TRPM7: variants seen among roughly 807,000 people sequenced by gnomAD.
TRPM7 encodes the protein LTRPC ion channel family member 7.
Under a neutral mutation model 229.7 loss-of-function variants are expected in TRPM7, and 134 were observed. That is an observed-to-expected ratio of 0.58 (90% CI 0.51 to 0.67). The LOEUF (loss-of-function observed/expected upper bound fraction) is 0.67. Ranked by LOEUF, TRPM7 falls within the 30% of genes least tolerant of loss-of-function variation. The pLI, the probability that TRPM7 is intolerant of heterozygous loss-of-function variation, is 0.00. For missense variants in TRPM7, 1,901 were observed against 2,210.0 expected (o/e 0.86, Z 2.80); for synonymous variants, 699 against 715.2 (o/e 0.98, Z 0.36).
chr15:50,652,037 A>C (rs2061434077), intron 3 of TRPM7, among the ~76,000 whole-genome samples: 1 of 151,998 alleles, frequency 6.6e-6, no homozygotes, highest in African/African-American at 2.4e-5. Context: ...AGATATGATA[A>C]AGAAAACAGA....
chr15:50,607,375 A>T (rs750308662), intron 19 of TRPM7, 47 bp from the exon 20 acceptor site: 83 of 1,432,742 alleles, frequency 5.8e-5, no homozygotes, highest in Admixed American at 3.4e-4. Flanking sequence ...TTACAAAATA[A>T]ATCTTTTAAT....
At chr15:50,609,779 T>C (rs780506498) in intron 18 of TRPM7, 27 bp downstream of exon 18, 2 of 1,600,190 alleles carry the variant, frequency 1.2e-6, no homozygotes, top group Non-Finnish European at 1.7e-6. Context: ...CAAACTTATA[T>C]TTACTTTAAA....
Position 50,614,105 on chromosome 15 carries a change from C to T in TRPM7, c.1635+18G>A, listed in dbSNP as rs756234966. The stretch of plus-strand genomic sequence containing the variant: ...ATATTAAAGCATATATATAGATTTC[C>T]CCACAAATTTTACATACCCGATTAT... On this transcript the variant is annotated intron_variant, in intron 14 of 38. Transcript: ENST00000646667. 1 of 1,579,420 alleles carries T rather than the reference C, an allele frequency of 6.3e-7. No homozygotes were observed. The highest frequency in any genetic ancestry group is 8.6e-7 in the Non-Finnish European group (1 of 1,165,188).
intron 12 of TRPM7, among the ~76,000 whole-genome samples, chr15:50,623,079 G>A (rs950856095): frequency 2.0e-5 from 3 of 152,106 alleles, no homozygotes; most frequent in Admixed American, 1.3e-4. Flanking sequence ...AAGCAAAACA[G>A]ACCAGCACTG....
In TRPM7 at chr15:50,561,664, C is replaced by G; in HGVS notation, c.*14G>C. 6.2e-7 allele frequency: 1 copy of G among 1,600,878 alleles called. No homozygotes were observed. Among genetic ancestry groups the G allele is most frequent in the Non-Finnish European group, 8.5e-7 (1 of 1,176,966 alleles). On this transcript the variant is annotated 3_prime_UTR_variant, in exon 39 of 39. Transcript: ENST00000646667. ...TGAGGTGCAGGCAAAACCAATGATT[C>G]AGTAATATTAATATTATAACATCAG...
intron 1 of TRPM7, among the ~76,000 whole-genome samples, chr15:50,683,993 G>A (rs2062300973): frequency 6.6e-6 from 1 of 151,474 alleles, no homozygotes; most frequent in Non-Finnish European, 1.5e-5. Flanking sequence ...ACGAGTAGCT[G>A]GGATTACAGG....
intron 1 of TRPM7, among the ~76,000 whole-genome samples, chr15:50,677,624 G>A (rs781148309): frequency 2.0e-5 from 3 of 150,814 alleles, no homozygotes; most frequent in South Asian, 2.1e-4. Flanking sequence ...CTGTAATCCC[G>A]GCTACTCAGG....
At chr15:50,630,444 A>T (rs766410823) in intron 10 of TRPM7, among the ~76,000 whole-genome samples, 3 of 152,102 alleles carry the variant, frequency 2.0e-5, no homozygotes, top group Non-Finnish European at 4.4e-5. Context: ...CATAGTTTCT[A>T]ATTTCTGAGA....
intron 1 of TRPM7, among the ~76,000 whole-genome samples, chr15:50,663,503 G>C (rs1056254851): frequency 6.6e-6 from 1 of 151,984 alleles, no homozygotes; most frequent in African/African-American, 2.4e-5. Context: ...ACCCCAAAAC[G>C]TCAGAATAAT....
intron 38 of TRPM7, among the ~76,000 whole-genome samples, chr15:50,566,626 G>C (rs1225060750): frequency 6.6e-6 from 1 of 152,132 alleles, no homozygotes; most frequent in African/African-American, 2.4e-5. Context: ...AACCTGGGAG[G>C]TGGAGGGTGC....
Position 50,592,503 on chromosome 15 carries a change from A to G in TRPM7, c.3732T>C (p.Asp1244=), listed in dbSNP as rs2059531669. The change falls in exon 26 of 39, where the codon GAT becomes GAC. Residue 1244 remains aspartate (D), a synonymous_variant. Coordinates refer to ENST00000646667, the MANE Select transcript of TRPM7 (RefSeq NM_017672.6). ...TCTGGGCAGTGAGTGTTTTTAATGT[A>G]TCTACCGTCAGGGCTGAAAGATCTT... The part of the protein sequence containing the change: ...HLQDLSALTV[D]TLKTLTAQKA... The G allele has an allele frequency of 1.2e-6, 2 of 1,613,990 alleles. No individual in the cohort carries two copies. Among genetic ancestry groups the G allele is most frequent in the East Asian group, 2.2e-5 (1 of 44,886 alleles).
rs971048232 is a variant in TRPM7 at position 50,643,245 on chromosome 15, T to C, written c.535+95A>G. 22 of 996,786 alleles carry C rather than the reference T, an allele frequency of 2.2e-5. No homozygotes were observed. In the East Asian group the frequency reaches 5.1e-4, roughly 23 times the overall value. The allele number at this position is 996,786 out of a possible 1,614,324, so 61.7% of individuals were successfully genotyped here. A position where few individuals can be genotyped will look rare whatever the true frequency, so the allele number is the denominator to read the frequency against. ...CAGAGGTTGCAGTGAGCCGAGATTG[T>C]GCCATTGCACTCCAGCCTGGCAACA... On this transcript the variant is annotated intron_variant, in intron 5 of 38. Transcript: ENST00000646667.
intron 1 of TRPM7, among the ~76,000 whole-genome samples, chr15:50,681,837 C>T (rs1050965032): frequency 1.3e-5 from 2 of 152,084 alleles, no homozygotes; most frequent in Non-Finnish European, 2.9e-5. Flanking sequence ...CTCCTTAGGT[C>T]AAGTAGGGAA....
intron 38 of TRPM7, 88 bp downstream of exon 38, chr15:50,569,799 A>T: frequency 1.4e-6 from 1 of 728,296 alleles, no homozygotes; most frequent in Non-Finnish European, 2.2e-6. Flanking sequence ...CCATTACATT[A>T]AACATTTGTA....
chr15:50,678,451 C>T (rs1468798073), intron 1 of TRPM7, among the ~76,000 whole-genome samples: 5 of 148,480 alleles, frequency 3.4e-5, no homozygotes, highest in African/African-American at 1.2e-4. Context: ...TATCAGAGTT[C>T]AATACATTTG....
intron 34 of TRPM7, 61 bp from the exon 35 acceptor site, chr15:50,574,780 T>G (rs1408548906): frequency 6.3e-7 from 1 of 1,585,620 alleles, no homozygotes; most frequent in Non-Finnish European, 8.6e-7. Context: ...TATATTTGGC[T>G]TATTGATATT....
intron 1 of TRPM7, among the ~76,000 whole-genome samples, chr15:50,668,586 C>A (rs2061931122): frequency 6.6e-6 from 1 of 152,206 alleles, no homozygotes; most frequent in African/African-American, 2.4e-5. Context: ...CAGCTTACTG[C>A]TAACTCTGCC....
chr15:50,637,724 TGACAAA>T, intron 6 of TRPM7, 131 bp from the exon 7 acceptor site: 2 of 809,232 alleles, frequency 2.5e-6, no homozygotes, highest in Non-Finnish European at 3.7e-6. Flanking sequence ...AAATACCAAA[TGACAAA>T]GAATGTTTCA....
intron 1 of TRPM7, among the ~76,000 whole-genome samples, chr15:50,682,799 T>C (rs995739924): frequency 6.6e-6 from 1 of 152,168 alleles, no homozygotes; most frequent in Non-Finnish European, 1.5e-5. Context: ...AAGTTCTTTT[T>C]ACTGATTCAC....
Sources: allele counts gnomAD v4.1 joint callset (sites outside exome capture counted in the v4.1 genomes callset), GRCh38; gene constraint gnomAD v4.1.1; transcripts MANE v1.5; gene names NCBI Gene and HGNC (gene_info 2026-07-23, HGNC 2026-07-21).